EXOC6B: variants seen among roughly 807,000 people sequenced by gnomAD.
EXOC6B encodes the protein SEC15 homolog B.
A neutral mutation model predicts 113.5 loss-of-function variants in EXOC6B; 54 were observed. The ratio of observed to expected loss-of-function variants is 0.48; its 90% confidence interval spans 0.38 to 0.60. The LOEUF (loss-of-function observed/expected upper bound fraction) is 0.60. EXOC6B is among the 20% of genes least tolerant of loss of function. EXOC6B has a pLI of 0.00. For synonymous variants in EXOC6B, 357 were observed against 339.0 expected (o/e 1.05, Z -0.58); for missense variants, 797 against 977.5 (o/e 0.82, Z 2.46).
At chr2:72,451,467 T>C (rs1696908316) in intron 18 of EXOC6B, among the ~76,000 whole-genome samples, 1 of 152,228 alleles carries the variant, frequency 6.6e-6, no homozygotes, top group South Asian at 2.1e-4. Flanking sequence ...CTTGTTTTGT[T>C]ACCATCTTAG....
In EXOC6B at chr2:72,401,584, T is replaced by TATATAC. The variant is rs1558630915; in HGVS notation, c.1981-21715_1981-21714insGTATAT. 5.0e-3 allele frequency among the ~76,000 whole-genome samples: 89 copies of TATATAC among 17,646 alleles called. 10 individuals carry two copies. The highest frequency in any genetic ancestry group is 7.2e-3 in the Non-Finnish European group (76 of 10,600). 11.6% of individuals were successfully genotyped at this position (17,646 alleles called of 152,430 possible). ...ATATATACATATATATATATATACATATATATATATATATATATGTGTATA... is the reference window on the plus strand; with the variant it reads ...ATATATACATATATATATATATACATATATACATATATATATATATATATGTGTATA... On this transcript the variant is annotated intron_variant, in intron 18 of 21. Transcript: ENST00000272427.
chr2:72,335,243 C>T (rs965673740), intron 19 of EXOC6B: 6 of 510,172 alleles, frequency 1.2e-5, no homozygotes, highest in Non-Finnish European at 1.4e-5. Flanking sequence ...TGTACTAATT[C>T]GACCTGAAAT....
chr2:72,638,637 G>A (rs1352675715), intron 6 of EXOC6B, among the ~76,000 whole-genome samples: 1 of 152,182 alleles, frequency 6.6e-6, no homozygotes, highest in East Asian at 1.9e-4. Flanking sequence ...TTCTCATCAT[G>A]GGTCTCTGGA....
At chr2:72,648,565 T>C (rs1277911503) in intron 6 of EXOC6B, among the ~76,000 whole-genome samples, 1 of 152,114 alleles carries the variant, frequency 6.6e-6, no homozygotes, top group Non-Finnish European at 1.5e-5. Flanking sequence ...ATTAAGAAAA[T>C]GTGGCACATA....
intron 6 of EXOC6B, among the ~76,000 whole-genome samples, chr2:72,591,404 T>C (rs144831809): frequency 0.011 from 1,679 of 152,214 alleles, 14 homozygotes; most frequent in Non-Finnish European, 0.019. Context: ...AGACACACAA[T>C]ATTAAGAAAC....
intron 1 of EXOC6B, among the ~76,000 whole-genome samples, chr2:72,823,481 A>AAAAAAAAAAAAAAAAC (rs1686712006): frequency 2.1e-5 from 3 of 142,212 alleles, no homozygotes; most frequent in Admixed American, 7.0e-5. Flanking sequence ...AAAAAAAACA[A>AAAAAAAAAAAAAAAAC]AAAACAAAAA....
At chr2:72,700,886 G>C (rs776064433) in intron 6 of EXOC6B, among the ~76,000 whole-genome samples, 4 of 152,132 alleles carry the variant, frequency 2.6e-5, no homozygotes, top group Non-Finnish European at 5.9e-5. Context: ...GGGAGACAGA[G>C]GTTGCAGTGA....
intron 6 of EXOC6B, among the ~76,000 whole-genome samples, chr2:72,624,771 CA>C (rs1425456331): frequency 2.0e-5 from 3 of 152,010 alleles, no homozygotes; most frequent in Non-Finnish European, 4.4e-5. Flanking sequence ...ACAACAACAA[CA>C]AAAAGCATTT....
intron 20 of EXOC6B, among the ~76,000 whole-genome samples, chr2:72,221,716 T>A (rs1680877757): frequency 6.6e-6 from 1 of 152,206 alleles, no homozygotes; most frequent in Middle Eastern, 3.2e-3. Context: ...ATATGGTGAA[T>A]AAGTGAATGA....
chr2:72,715,042 G>A (rs1679518457), intron 6 of EXOC6B, among the ~76,000 whole-genome samples: 1 of 152,064 alleles, frequency 6.6e-6, no homozygotes, highest in African/African-American at 2.4e-5. Context: ...CGAGGCGGGT[G>A]GATCACGAGG....
At chr2:72,805,182 C>G (rs1341345498) in intron 1 of EXOC6B, among the ~76,000 whole-genome samples, 2 of 152,198 alleles carry the variant, frequency 1.3e-5, no homozygotes, top group Admixed American at 6.5e-5. Context: ...AAAAACAAAA[C>G]TCCTCACAAA....
At chr2:72,231,983 T>C (rs991648377) in intron 20 of EXOC6B, among the ~76,000 whole-genome samples, 1 of 151,982 alleles carries the variant, frequency 6.6e-6, no homozygotes, top group East Asian at 1.9e-4. Context: ...AAATTATATA[T>C]AATTTTTTTT....
chr2:72,758,961 A>C (rs142160599), intron 1 of EXOC6B, among the ~76,000 whole-genome samples: 1 of 152,356 alleles, frequency 6.6e-6, no homozygotes, highest in East Asian at 1.9e-4. Context: ...ACAGCCTTTC[A>C]ATTGTAGTTT....
intron 18 of EXOC6B, among the ~76,000 whole-genome samples, chr2:72,391,275 T>C (rs1692361025): frequency 6.6e-6 from 1 of 151,834 alleles, no homozygotes; most frequent in South Asian, 2.1e-4. Context: ...TGGCCGGTAG[T>C]GGCTACCTCA....
At chr2:72,367,455 A>G (rs750018511) in intron 19 of EXOC6B, among the ~76,000 whole-genome samples, 43 of 152,210 alleles carry the variant, frequency 2.8e-4, no homozygotes, top group Non-Finnish European at 5.6e-4. Context: ...GAGGTGGAAT[A>G]AGATGGTAGA....
At chr2:72,423,120 G>T (rs963133098) in intron 18 of EXOC6B, among the ~76,000 whole-genome samples, 1 of 152,100 alleles carries the variant, frequency 6.6e-6, no homozygotes, top group Non-Finnish European at 1.5e-5. Context: ...CTTCACTCCT[G>T]AGCCCAGTGA....
At chr2:72,511,531 T>G (rs756171889) in intron 11 of EXOC6B, among the ~76,000 whole-genome samples, 8 of 152,272 alleles carry the variant, frequency 5.3e-5, no homozygotes, top group South Asian at 2.1e-4. Flanking sequence ...AATACTAGAC[T>G]AGCCTAGTAA....
chr2:72,406,062 G>A (rs1253169332), intron 18 of EXOC6B, among the ~76,000 whole-genome samples: 1 of 152,214 alleles, frequency 6.6e-6, no homozygotes, highest in South Asian at 2.1e-4. Flanking sequence ...CCTAGTCTCT[G>A]ATAAAACAGA....
rs755812733 is a variant in EXOC6B at position 72,515,043 on chromosome 2, C to CATGTTAGATGTTAG, written c.998_999insCTAACATCTAACAT (p.Met333IlefsTer2). The CATGTTAGATGTTAG allele has an allele frequency of 6.2e-7, 1 of 1,601,306 alleles. No homozygotes were observed. The highest frequency in any genetic ancestry group is 1.1e-5 in the South Asian group (1 of 88,268). Reference sequence around the variant, plus strand: ...AGAAAAGTGAAGATGGTAATCCTACCATGTTAGATGGAGGTTGAAGTACCA... The same window carrying CATGTTAGATGTTAG: ...AGAAAAGTGAAGATGGTAATCCTACCATGTTAGATGTTAGATGTTAGATGGAGGTTGAAGTACCA... On this transcript the variant is annotated stop_gained and frameshift_variant and splice_region_variant, in exon 9 of 22. Coordinates refer to ENST00000272427, the MANE Select transcript of EXOC6B (RefSeq NM_015189.3). LOFTEE classifies it high-confidence loss of function.
Sources: gnomAD v4.1 joint callset for allele counts (sites outside exome capture counted in the v4.1 genomes callset) on GRCh38, gnomAD v4.1.1 for gene constraint, MANE v1.5 for transcripts, NCBI Gene and HGNC (gene_info 2026-07-23, HGNC 2026-07-21) for gene names.